Variants in KEL observed in about 807,000 individuals in gnomAD.
The protein encoded by KEL is kell blood group glycoprotein.
In KEL, 96 loss-of-function variants were observed where a neutral mutation model predicts 99.5. That is an observed-to-expected ratio of 0.97 (90% confidence interval 0.82 to 1.14). The LOEUF is 1.14. Among genes scored for constraint, KEL ranks in the 50% most tolerant of loss-of-function variants. The pLI, the probability that KEL is intolerant of heterozygous loss-of-function variation, is 0.00. For missense variants in KEL, 926 were observed against 924.2 expected, an observed-to-expected ratio of 1.00 and a Z score of -0.03; for synonymous variants, 355 against 354.8, an observed-to-expected ratio of 1.00 and a Z score of -0.01.
intron 10 of KEL, among the ~76,000 whole-genome samples, chr7:142,946,935 C>G (rs1796549440): frequency 6.6e-6 from 1 of 152,144 alleles, no homozygotes; most frequent in Non-Finnish European, 1.5e-5. Flanking sequence ...AGACTTCCAG[C>G]CAAGTCAGAG....
chr7:142,942,750 G>T, intron 17 of KEL, 125 bp downstream of exon 17: 2 of 1,233,260 alleles, frequency 1.6e-6, no homozygotes, highest in Non-Finnish European at 2.4e-6. Context: ...CGTCTATTCA[G>T]TGGGGATGCG....
At chr7:142,961,567 G>C (rs1796960985) in intron 2 of KEL, 66 bp from the exon 3 acceptor site, 2 of 1,522,594 alleles carry the variant, frequency 1.3e-6, no homozygotes, top group East Asian at 2.4e-5. Context: ...GGGAAGAAGA[G>C]GAGAGAGAAT....
chr7:142,950,397 A>G (rs1417692842), intron 10 of KEL, among the ~76,000 whole-genome samples: 1 of 152,102 alleles, frequency 6.6e-6, no homozygotes, highest in Non-Finnish European at 1.5e-5. Context: ...TGGACACAGC[A>G]AGCCTAGTCT....
chr7:142,958,602 C>T (rs8175973), intron 4 of KEL, among the ~76,000 whole-genome samples, 174 bp from the exon 5 acceptor site: 3,029 of 152,230 alleles, frequency 0.02, 90 homozygotes, highest in African/African-American at 0.07. Flanking sequence ...CATAACATTA[C>T]GAGACAAAGA....
intron 10 of KEL, among the ~76,000 whole-genome samples, chr7:142,948,000 A>T (rs1796578087): frequency 6.6e-6 from 1 of 152,218 alleles, no homozygotes; most frequent in Admixed American, 6.5e-5. Flanking sequence ...CTCTTACCAG[A>T]CAGTTGCTAC....
chr7:142,951,396 T>G (rs768555609), intron 10 of KEL, among the ~76,000 whole-genome samples: 12 of 152,148 alleles, frequency 7.9e-5, no homozygotes, highest in Middle Eastern at 3.2e-3. Context: ...GGCAGAAGCT[T>G]CTTGGCCACT....
In KEL at chr7:142,954,457, C is replaced by T; in HGVS notation, c.735+8G>A. On this transcript the variant is annotated splice_region_variant and intron_variant, in intron 7 of 18. Coordinates refer to ENST00000355265, the MANE Select transcript of KEL (RefSeq NM_000420.3). The stretch of plus-strand genomic sequence containing the variant: ...GAGGGCAGGGCCTTTGTCCATGTGC[C>T]ATCTTACCTGGGCATAGATCTTCTG... 1 of 1,613,646 alleles carries T rather than the reference C, an allele frequency of 6.2e-7. No homozygotes were observed. The highest frequency in any genetic ancestry group is 1.3e-5 in the African/African-American group (1 of 75,020).
chr7:142,942,997 C>A lies in KEL; in HGVS notation c.1819G>T (p.Ala607Ser). 1 of 1,614,182 alleles carries A rather than the reference C, an allele frequency of 6.2e-7. No homozygotes were observed. ...LACDNHALQE[A>S]HLCLKRHYAA... ...TAATGGCGCTTCAGGCACAGGTGAG[C>A]TTCCTGGAGGGCATGGTTGTCACAG... Residue 607 changes from alanine (A) to serine (S), a missense_variant, in exon 17 of 19, where the codon GCT becomes TCT. By Grantham distance (99) the Ala-to-Ser change is moderately conservative. Transcript: ENST00000355265.
At chr7:142,943,152 G>T in intron 16 of KEL, 108 bp from the exon 17 acceptor site, 1 of 1,551,450 alleles carries the variant, frequency 6.4e-7, no homozygotes, top group Non-Finnish European at 8.9e-7. Context: ...CAGGAGCATG[G>T]CAAAGTTCCC....
At chr7:142,951,711 T>C (rs1439158550) in intron 10 of KEL, among the ~76,000 whole-genome samples, 3 of 152,154 alleles carry the variant, frequency 2.0e-5, no homozygotes, top group Admixed American at 1.3e-4. Context: ...CCAGTCCCTG[T>C]GAATACATTT....
At chr7:142,946,547 T>C (rs1392059840) in intron 10 of KEL, 11 of 588,098 alleles carry the variant, frequency 1.9e-5, no homozygotes, top group Non-Finnish European at 2.4e-5. Flanking sequence ...CTTCATGTTA[T>C]TGCCTATTGA....
At position 142,954,339 on chromosome 7, in the gene KEL, G is replaced by T. The variant is rs145871713; in HGVS notation, c.769C>A (p.Leu257Met). The T allele has an allele frequency of 6.2e-6, 10 of 1,614,132 alleles. No homozygotes were observed. The highest frequency in any genetic ancestry group is 8.5e-6 in the Non-Finnish European group (10 of 1,180,026). Residue 257 changes from leucine (L) to methionine (M), a missense_variant, in exon 8 of 19, where the codon CTG becomes ATG. By Grantham distance (15) the Leu-to-Met change is conservative. Transcript: ENST00000355265. ...GGGTCTCCTCCCAGCAAGGTTCCCA[G>T]CTGATTCAGGTAAGTCAGGTATTCC... ...FREYLTYLNQ[L>M]GTLLGGDPSK... is the part of the protein sequence containing the mutation.
intron 10 of KEL, 41 bp from the exon 11 acceptor site, chr7:142,946,358 C>T (rs1796530253): frequency 6.8e-7 from 1 of 1,468,606 alleles, no homozygotes; most frequent in Non-Finnish European, 9.5e-7. Flanking sequence ...CTGTTCAGGA[C>T]TCTTTCCTCA....
chr7:142,949,857 T>G (rs1796633035), intron 10 of KEL, among the ~76,000 whole-genome samples: 1 of 152,220 alleles, frequency 6.6e-6, no homozygotes, highest in Non-Finnish European at 1.5e-5. Flanking sequence ...AAGTTCTGCT[T>G]TTACTTCTCA....
intron 11 of KEL, 130 bp from the exon 12 acceptor site, chr7:142,944,871 A>T: frequency 1.4e-6 from 1 of 737,674 alleles, no homozygotes; most frequent in East Asian, 2.7e-5. Context: ...CTGCTGCTAG[A>T]GGAGCAGCTC....
Position 142,944,414 on chromosome 7 carries a change from C to T in KEL, c.1414-14G>A, listed in dbSNP as rs373992634. The T allele has an allele frequency of 5.6e-6, 9 of 1,604,528 alleles. No individual in the cohort carries two copies. The African/African-American group carries it at 9.4e-5, about 17-fold the overall frequency. ...CAGTTGAGCAACCTGGAGAGAGACA[C>T]AGAAGAGGCTAGGAATACTCTCCGA... On this transcript the variant is annotated splice_polypyrimidine_tract_variant and intron_variant, in intron 12 of 18. Transcript: ENST00000355265.
chr7:142,951,409 C>A (rs1040967903), intron 10 of KEL, among the ~76,000 whole-genome samples: 2 of 152,144 alleles, frequency 1.3e-5, no homozygotes, highest in Admixed American at 1.3e-4. Context: ...TGGCCACTCT[C>A]CAACCCAAGT....
chr7:142,961,363 G>A lies in KEL; in HGVS notation c.220C>T (p.Pro74Ser). The change falls in exon 3 of 19, where the codon CCT (proline) becomes TCT (serine). Residue 74 changes from proline to serine, a missense_variant. Transcript: ENST00000355265. ...GGGGGTCTGGGATCTTGCTTACGAG[G>A]GCCACAGTTCTGGAAGTTGTAGAAC... ...LLFYNFQNCG[P>S]RPCETSVCLD... is the part of the protein sequence containing the mutation. The A allele has an allele frequency of 2.5e-6, 4 of 1,613,204 alleles. No homozygotes were observed. Among genetic ancestry groups the A allele is most frequent in the Non-Finnish European group, 3.4e-6 (4 of 1,180,028 alleles).
chr7:142,952,968 A>G (rs1796726751), intron 9 of KEL, among the ~76,000 whole-genome samples: 1 of 152,160 alleles, frequency 6.6e-6, no homozygotes, highest in Non-Finnish European at 1.5e-5. Context: ...CCTCAGATGT[A>G]TCTCATAAGC....
Sources: gnomAD v4.1 joint callset for allele counts (sites outside exome capture counted in the v4.1 genomes callset) on GRCh38, gnomAD v4.1.1 for gene constraint, MANE v1.5 for transcripts, NCBI Gene and HGNC (gene_info 2026-07-23, HGNC 2026-07-21) for gene names.